ITGA8: variants seen among roughly 807,000 people sequenced by gnomAD.
ITGA8 encodes the protein integrin alpha-8.
ITGA8 carries 91 observed loss-of-function variants against 142.3 expected under a neutral mutation model. The observed-to-expected ratio is 0.64, with a 90% CI of 0.54 to 0.76. ITGA8 has a LOEUF of 0.76. Among genes scored for constraint, ITGA8 ranks in the 30% least tolerant of loss-of-function variants. The pLI is 0.00. For synonymous variants in ITGA8, 505 were observed against 485.2 expected (o/e 1.04, Z -0.54); for missense variants, 1,406 against 1,327.7 (o/e 1.06, Z -0.92).
rs920820344 is a variant in ITGA8, at chr10:15,690,221, C to G, written c.344-2183G>C. 7.2e-5 allele frequency among the ~76,000 whole-genome samples: 11 copies of G among 152,178 alleles called. 1 individual carries two copies. Among genetic ancestry groups the G allele is most frequent in the African/African-American group, 2.7e-4 (11 of 41,442 alleles). ...AACATTCGCACCCGGCCTCACAGAG[C>G]CTGGTCCACTGCTGTGTCCAGCACT... On this transcript the variant is annotated intron_variant, in intron 2 of 29. Transcript: ENST00000378076.
chr10:15,519,267 G>A (rs373988133), intron 29 of ITGA8, 23 bp downstream of exon 29: 28 of 1,612,102 alleles, frequency 1.7e-5, no homozygotes, highest in East Asian at 8.9e-5. Context: ...AGTTTAAAAG[G>A]AAAACAAAGT....
At chr10:15,578,194 T>C (rs1395225387) in intron 23 of ITGA8, among the ~76,000 whole-genome samples, 2 of 152,144 alleles carry the variant, frequency 1.3e-5, no homozygotes, top group Non-Finnish European at 2.9e-5. Flanking sequence ...ATCTCCTCCA[T>C]ATCTCTTGGC....
In ITGA8 at chr10:15,655,344, A is replaced by G. The variant is rs202085208; in HGVS notation, c.1001+10T>C. 2 of 1,559,950 alleles carry G rather than the reference A, an allele frequency of 1.3e-6. 1 individual carries two copies. The highest frequency in any genetic ancestry group is 3.4e-5 in the Admixed American group (2 of 59,676). On this transcript the variant is annotated intron_variant, in intron 11 of 29. Coordinates refer to ENST00000378076, the MANE Select transcript of ITGA8 (RefSeq NM_003638.3). ...AATATATTGTATATGAGAGAGGTCTATAAACTTACCCATCACTGTTAACAT... is the reference window on the plus strand; with the variant it reads ...AATATATTGTATATGAGAGAGGTCTGTAAACTTACCCATCACTGTTAACAT...
chr10:15,625,437 CAT>C (rs1833563864), intron 13 of ITGA8, among the ~76,000 whole-genome samples: 1 of 148,902 alleles, frequency 6.7e-6, no homozygotes, highest in African/African-American at 2.5e-5. Context: ...CACTGAATCA[CAT>C]GTGTGCCGTC....
At chr10:15,592,996 A>G (rs904570395) in intron 21 of ITGA8, among the ~76,000 whole-genome samples, 1 of 152,234 alleles carries the variant, frequency 6.6e-6, no homozygotes, top group Non-Finnish European at 1.5e-5. Flanking sequence ...AATGCTTCTA[A>G]TGTAATAACA....
At position 15,535,871 on chromosome 10, in the gene ITGA8, T is replaced by C. The variant is rs549108430; in HGVS notation, c.2881-4720A>G. 6.6e-5 allele frequency among the ~76,000 whole-genome samples: 10 copies of C among 152,246 alleles called. No individual in the cohort carries two copies. In the South Asian group the frequency reaches 2.1e-3, roughly 32 times the overall value. ...TGCTGCTCCCTCTTTGGGTCCACGC[T>C]GCCTTTATGAGCTGTAACACTCACC... is the stretch of plus-strand genomic sequence containing the variant. On this transcript the variant is annotated intron_variant, in intron 27 of 29. Coordinates refer to ENST00000378076, the MANE Select transcript of ITGA8 (RefSeq NM_003638.3).
At chr10:15,611,373 A>G (rs1244701425) in intron 15 of ITGA8, 1 of 152,228 alleles carries the variant, frequency 6.6e-6, no homozygotes, top group East Asian at 1.9e-4. Flanking sequence ...ATTTGTCCAC[A>G]TAACAAATTG....
intron 25 of ITGA8, among the ~76,000 whole-genome samples, chr10:15,570,997 T>C (rs554365648): frequency 2.6e-5 from 4 of 152,296 alleles, no homozygotes; most frequent in South Asian, 2.1e-4. Flanking sequence ...TGTTATTTTA[T>C]AATAAGCTAC....
intron 2 of ITGA8, among the ~76,000 whole-genome samples, chr10:15,714,849 C>T (rs1003699967): frequency 6.6e-6 from 1 of 152,058 alleles, no homozygotes; most frequent in African/African-American, 2.4e-5. Context: ...GTTACCAGAG[C>T]AGAATACCCA....
chr10:15,659,052 A>C lies in ITGA8; in HGVS notation c.895T>G (p.Ser299Ala). Residue 299 changes from serine (S) to alanine (A), a missense_variant, in exon 10 of 30, where the codon TCC becomes GCC. Ser to Ala is a moderately conservative substitution (Grantham distance 99, BLOSUM62 1). Transcript: ENST00000378076. ...PRGAQNFGYV[S>A]IINSTDMTFI... is the part of the protein sequence containing the mutation. ...GTCATATCCGTAGAGTTAATGATGG[A>C]AACCTGAAATCACAGAAATTAAACA... 6.2e-7 allele frequency: 1 copy of C among 1,605,396 alleles called. No homozygotes were observed. Among genetic ancestry groups the C allele is most frequent in the Non-Finnish European group, 8.5e-7 (1 of 1,174,432 alleles).
chr10:15,562,504 G>A (rs1834002198), intron 25 of ITGA8, among the ~76,000 whole-genome samples: 2 of 152,184 alleles, frequency 1.3e-5, no homozygotes, highest in African/African-American at 4.8e-5. Context: ...GTCCAGGCTT[G>A]GCAGGAAAGA....
In ITGA8 at chr10:15,619,763, G is replaced by A. The variant is rs74697013; in HGVS notation, c.1400-3204C>T. Among the ~76,000 whole-genome samples the A allele has an allele frequency of 3.7e-3, 566 of 152,020 alleles. 3 individuals carry two copies. The highest frequency in any genetic ancestry group is 0.013 in the African/African-American group (538 of 41,484). On this transcript the variant is annotated intron_variant, in intron 13 of 29. Transcript: ENST00000378076. ...ACCGATTTGAAGAAACATGAGCTCT[G>A]TTCTTCCTGTGTAATTACAAACTCC...
chr10:15,616,436 GCT>G (rs1833392679), intron 14 of ITGA8, 76 bp downstream of exon 14: 2 of 1,061,334 alleles, frequency 1.9e-6, no homozygotes, highest in African/African-American at 3.1e-5. Context: ...TCGTTGGAAT[GCT>G]CTCTTTAAGG....
chr10:15,553,039 T>C (rs571436851), intron 26 of ITGA8, among the ~76,000 whole-genome samples: 1 of 152,250 alleles, frequency 6.6e-6, no homozygotes, highest in African/African-American at 2.4e-5. Context: ...GGACGTTCAC[T>C]TGAGGTCAGG....
At chr10:15,654,056 G>A (rs537163914) in intron 11 of ITGA8, among the ~76,000 whole-genome samples, 61 of 151,962 alleles carry the variant, frequency 4.0e-4, no homozygotes, top group Non-Finnish European at 6.6e-4. Flanking sequence ...GGCTGGCCTC[G>A]ACCTCCTGAC....
intron 21 of ITGA8, chr10:15,596,979 G>A (rs906953839): frequency 4.0e-6 from 2 of 501,140 alleles, no homozygotes; most frequent in Non-Finnish European, 7.1e-6. Flanking sequence ...CAAGAGTAAT[G>A]TATAAAGAGA....
In ITGA8 at chr10:15,644,180, C is replaced by G; in HGVS notation, c.1249G>C (p.Gly417Arg). ...TTCCCATTATAAATGAGCACTTTGC[C>G]TCTTTGATCCTTGCCTGCAAAAGGC... ...GVPFAGKDQR[G>R]KVLIYNGNKD... The change falls in exon 13 of 30, where the codon GGC becomes CGC. Residue 417 changes from glycine (G) to arginine (R), a missense_variant. Transcript: ENST00000378076. The G allele has an allele frequency of 1.9e-6, 3 of 1,613,942 alleles. No homozygotes were observed. The highest frequency in any genetic ancestry group is 2.5e-6 in the Non-Finnish European group (3 of 1,179,968).
intron 23 of ITGA8, among the ~76,000 whole-genome samples, chr10:15,578,096 A>T (rs1312060352): frequency 2.0e-5 from 3 of 152,158 alleles, no homozygotes; most frequent in Non-Finnish European, 2.9e-5. Context: ...TAATATCAAA[A>T]CCAGAATATT....
intron 26 of ITGA8, among the ~76,000 whole-genome samples, chr10:15,554,457 C>T (rs1833852980): frequency 1.3e-5 from 2 of 152,184 alleles, no homozygotes; most frequent in Non-Finnish European, 2.9e-5. Context: ...CTCATGGCTG[C>T]CTCAGGGCTG....
Sources: allele counts gnomAD v4.1 joint callset (sites outside exome capture counted in the v4.1 genomes callset), GRCh38; gene constraint gnomAD v4.1.1; transcripts MANE v1.5; gene names NCBI Gene and HGNC (gene_info 2026-07-23, HGNC 2026-07-21).